HDAC4: variants seen among roughly 807,000 people sequenced by gnomAD.
HDAC4 encodes the protein histone deacetylase 4, also known as histone deacetylase A.
A neutral mutation model predicts 135.1 loss-of-function variants in HDAC4; 16 were observed. The observed-to-expected ratio is 0.12, with a 90% CI of 0.08 to 0.18. The LOEUF (loss-of-function observed/expected upper bound fraction) is 0.18, where lower values mean the gene tolerates loss of function less well. Among genes scored for constraint, HDAC4 ranks in the 10% least tolerant of loss-of-function variants. The pLI is 1.00. For synonymous variants in HDAC4, 685 were observed against 653.4 expected, an observed-to-expected ratio of 1.05 and a Z score of -0.74; for missense variants, 1,143 against 1,511.8, an observed-to-expected ratio of 0.76 and a Z score of 4.05.
At chr2:239,379,989 G>A (rs1238712785) in intron 1 of HDAC4, among the ~76,000 whole-genome samples, 1 of 152,234 alleles carries the variant, frequency 6.6e-6, no homozygotes. Context: ...GGCCCGTGGT[G>A]GAGTGTGGCC....
intron 1 of HDAC4, among the ~76,000 whole-genome samples, chr2:239,390,927 G>A (rs1696156061): frequency 6.6e-6 from 1 of 152,234 alleles, no homozygotes; most frequent in Admixed American, 6.5e-5. Context: ...ACCAAGGGGA[G>A]GGAAAGCGGG....
intron 16 of HDAC4, among the ~76,000 whole-genome samples, chr2:239,098,436 G>A (rs1396788330): frequency 6.6e-6 from 1 of 152,252 alleles, no homozygotes; most frequent in Non-Finnish European, 1.5e-5. Flanking sequence ...GGCCCTCGCT[G>A]TGCCAAGTCA....
In HDAC4 at chr2:239,306,687, C is replaced by T. The variant is rs771644889; in HGVS notation, c.22+45991G>A. 6.6e-6 allele frequency among the ~76,000 whole-genome samples: 1 copy of T among 152,120 alleles called. No individual in the cohort carries two copies. The highest frequency in any genetic ancestry group is 1.5e-5 in the Non-Finnish European group (1 of 68,014). ...CAGGTGATGGCAGAACCCAGGTCCT[C>T]GGGCGCAGAGCATCCAGGGCCCAGG... On this transcript the variant is annotated intron_variant, in intron 2 of 26. Coordinates refer to ENST00000543185, the MANE Select transcript of HDAC4 (RefSeq NM_001378414.1). This position sits in a 1 kb window ranked among gnomAD's most constrained non-coding sequence, Gnocchi z 4.5.
chr2:239,164,612 G>C (rs2043017672), intron 5 of HDAC4, among the ~76,000 whole-genome samples: 1 of 152,250 alleles, frequency 6.6e-6, no homozygotes, highest in Non-Finnish European at 1.5e-5. Flanking sequence ...GCTCGCCTCA[G>C]ATCTCCAATC....
At chr2:239,182,831 T>A (rs2044238486) in intron 4 of HDAC4, among the ~76,000 whole-genome samples, 1 of 152,190 alleles carries the variant, frequency 6.6e-6, no homozygotes, top group South Asian at 2.1e-4. Flanking sequence ...GCCATTTCAC[T>A]CTTCTTCACT....
rs1174272580 is a variant in HDAC4, at chr2:239,306,610, C to CA, written c.22+46067dup. On this transcript the variant is annotated intron_variant, in intron 2 of 26. Transcript: ENST00000543185. The surrounding 1 kb of genome is among the most constrained non-coding windows in gnomAD (Gnocchi z 4.5). The stretch of plus-strand genomic sequence containing the variant: ...CTCTTCACCTAAACAAGGTCAAACA[C>CA]AGGCACTACATCAGGCACCCCATGT... Among the ~76,000 whole-genome samples, 11 of 152,124 alleles carry CA rather than the reference C, an allele frequency of 7.2e-5. No homozygotes were observed. The highest frequency in any genetic ancestry group is 2.7e-4 in the African/African-American group (11 of 41,418).
At chr2:239,061,090 C>T (rs1027547883) in intron 24 of HDAC4, among the ~76,000 whole-genome samples, 4 of 152,258 alleles carry the variant, frequency 2.6e-5, no homozygotes, top group Admixed American at 1.3e-4. Context: ...CAATCGGCTG[C>T]ATGCAGATAA....
chr2:239,223,429 G>C (rs1671059433), intron 3 of HDAC4, among the ~76,000 whole-genome samples: 1 of 152,164 alleles, frequency 6.6e-6, no homozygotes, highest in African/African-American at 2.4e-5. Context: ...ACTGGGGGTG[G>C]AATAATCCAG....
At chr2:239,249,332 G>A (rs1247383616) in intron 2 of HDAC4, among the ~76,000 whole-genome samples, 2 of 152,178 alleles carry the variant, frequency 1.3e-5, no homozygotes, top group Non-Finnish European at 2.9e-5. Flanking sequence ...GGCTGCGGAA[G>A]GCGGGGGAGG....
chr2:239,330,200 A>G (rs1222100210), intron 2 of HDAC4, among the ~76,000 whole-genome samples: 1 of 152,276 alleles, frequency 6.6e-6, no homozygotes, highest in African/African-American at 2.4e-5. Context: ...GAGCCACAGG[A>G]GAGCCAGAGG....
chr2:239,314,180 C>A (rs1036072472), intron 2 of HDAC4, among the ~76,000 whole-genome samples: 2 of 152,200 alleles, frequency 1.3e-5, no homozygotes, highest in Non-Finnish European at 1.5e-5. Flanking sequence ...CAGAAACCTT[C>A]TCTAGAGGAA....
rs997383501 is a variant in HDAC4, at chr2:239,084,187, A to C, written c.2500T>G (p.Leu834Val). 3 of 1,613,308 alleles carry C rather than the reference A, an allele frequency of 1.9e-6. No individual in the cohort carries two copies. Among genetic ancestry groups the C allele is most frequent in the Non-Finnish European group, 2.5e-6 (3 of 1,179,644 alleles). The part of the protein sequence containing the change: ...AVAAKLLQQR[L>V]SVSKILIVDW... ...ACGATGAGGATCTTGCTCACGCTCA[A>C]CCTCTGCTGCAGAAGCTTGGCTGCC... Residue 834 changes from leucine (L) to valine (V), a missense_variant, in exon 20 of 27, where the codon TTG (leucine) becomes GTG (valine). Leu to Val is a conservative substitution (Grantham distance 32). Coordinates refer to ENST00000543185, the MANE Select transcript of HDAC4 (RefSeq NM_001378414.1).
intron 3 of HDAC4, among the ~76,000 whole-genome samples, chr2:239,205,657 A>C (rs1396743286): frequency 1.3e-5 from 2 of 152,108 alleles, no homozygotes; most frequent in Non-Finnish European, 2.9e-5. Context: ...TCATCTGAAC[A>C]ACACAGGAAG....
At chr2:239,302,375 A>C (rs1427278109) in intron 2 of HDAC4, among the ~76,000 whole-genome samples, 1 of 152,260 alleles carries the variant, frequency 6.6e-6, no homozygotes, top group African/African-American at 2.4e-5. Context: ...ATATTGCAGA[A>C]CTAGCACTAG....
rs559812795 is a variant in HDAC4 at position 239,208,048 on chromosome 2, C to T, written c.95-17971G>A. 2.0e-5 allele frequency among the ~76,000 whole-genome samples: 3 copies of T among 151,908 alleles called. 1 individual carries two copies. Among genetic ancestry groups the T allele is most frequent in the Admixed American group, 6.6e-5 (1 of 15,264 alleles). On this transcript the variant is annotated intron_variant, in intron 3 of 26. Transcript: ENST00000543185. ...CAAGAAAACACAAGAAAAGGCCGGG[C>T]GCGGTGGCTCACGCCTGTAATCCCA...
chr2:239,169,195 C>T (rs912017927), intron 5 of HDAC4, among the ~76,000 whole-genome samples: 1 of 152,196 alleles, frequency 6.6e-6, no homozygotes, highest in Admixed American at 6.5e-5. Context: ...AAATTTTAAA[C>T]TTCAATTCTT....
intron 13 of HDAC4, among the ~76,000 whole-genome samples, chr2:239,114,470 T>G (rs1040064913): frequency 6.6e-6 from 1 of 152,232 alleles, no homozygotes; most frequent in Non-Finnish European, 1.5e-5. Flanking sequence ...TTCTGCTGAC[T>G]CAGAAGTTTA....
chr2:239,104,107 G>A (rs2037909560), intron 15 of HDAC4, among the ~76,000 whole-genome samples: 1 of 152,242 alleles, frequency 6.6e-6, no homozygotes, highest in African/African-American at 2.4e-5. Context: ...ATAACCTAGT[G>A]CTGCTTCTAC....
intron 3 of HDAC4, among the ~76,000 whole-genome samples, chr2:239,192,150 G>T (rs1412464570): frequency 2.6e-5 from 4 of 151,730 alleles, no homozygotes; most frequent in Non-Finnish European, 5.9e-5. Context: ...GCGGAAGCAG[G>T]GAGTAGGGGT....
Sources: allele counts gnomAD v4.1 joint callset (sites outside exome capture counted in the v4.1 genomes callset), GRCh38; gene constraint gnomAD v4.1.1; non-coding constraint Gnocchi (gnomAD v3.1); transcripts MANE v1.5; gene names NCBI Gene and HGNC (gene_info 2026-07-23, HGNC 2026-07-21).